Variants in ACBD6 observed in about 807,000 individuals in gnomAD.
ACBD6 encodes acyl-CoA binding domain containing 6, also known as acyl-CoA-binding domain-containing protein 6.
In ACBD6, 28 loss-of-function variants were observed where a neutral mutation model predicts 37.2. The ratio of observed to expected loss-of-function variants is 0.75; its 90% CI spans 0.56 to 1.03. The LOEUF (loss-of-function observed/expected upper bound fraction) is 1.03. ACBD6 is among the 50% of genes least tolerant of loss of function. ACBD6 has a pLI of 0.00. For missense variants in ACBD6, 340 were observed against 337.4 expected (o/e 1.01, Z -0.06); for synonymous variants, 113 against 126.8 (o/e 0.89, Z 0.73).
At chr1:180,335,052 G>C (rs1375343726) in intron 6 of ACBD6, among the ~76,000 whole-genome samples, 2 of 152,196 alleles carry the variant, frequency 1.3e-5, no homozygotes, top group African/African-American at 2.4e-5. Flanking sequence ...ACCTGAAAGT[G>C]ATGGGGAGAA....
chr1:180,351,171 AT>A (rs1652400317), intron 6 of ACBD6, among the ~76,000 whole-genome samples: 3 of 152,294 alleles, frequency 2.0e-5, no homozygotes, highest in Admixed American at 2.0e-4. Context: ...ACTGATAAAA[AT>A]ATATAGGTTT....
intron 6 of ACBD6, among the ~76,000 whole-genome samples, chr1:180,356,300 T>A (rs970039391): frequency 6.6e-6 from 1 of 152,058 alleles, no homozygotes; most frequent in Non-Finnish European, 1.5e-5. Flanking sequence ...GCCTTCCAAG[T>A]AGCTGAAACT....
chr1:180,449,962 G>T lies in ACBD6; in HGVS notation c.385-19700C>A, dbSNP rs532987133. Among the ~76,000 whole-genome samples the T allele has an allele frequency of 3.4e-5, 5 of 148,340 alleles. No individual in the cohort carries two copies. The South Asian group carries it at 8.7e-4, about 26-fold the overall frequency. On this transcript the variant is annotated intron_variant, in intron 3 of 7. Coordinates refer to ENST00000367595, the MANE Select transcript of ACBD6 (RefSeq NM_032360.4). ...GCTAATCTAATTTCCGGATGACAGG[G>T]TCAATGAAAGACAGTTGACACACTA... is the stretch of plus-strand genomic sequence containing the variant.
At chr1:180,487,726 G>A (rs998805221) in intron 3 of ACBD6, among the ~76,000 whole-genome samples, 64 of 151,968 alleles carry the variant, frequency 4.2e-4, no homozygotes, top group African/African-American at 1.5e-3. Flanking sequence ...AGGTTACTAA[G>A]GTCTATAGTA....
At chr1:180,410,792 G>A (rs1647822804) in intron 5 of ACBD6, among the ~76,000 whole-genome samples, 2 of 152,122 alleles carry the variant, frequency 1.3e-5, no homozygotes, top group South Asian at 4.1e-4. Flanking sequence ...CATTCATTTT[G>A]CAGTCCATGG....
intron 6 of ACBD6, among the ~76,000 whole-genome samples, chr1:180,328,847 T>TAC (rs1366289718): frequency 6.6e-6 from 1 of 151,624 alleles, no homozygotes; most frequent in East Asian, 1.9e-4. Flanking sequence ...TATTTTTCTA[T>TAC]ATATATATAT....
At chr1:180,271,203 T>G (rs1571293192) in exon 14 of ACBD6, 1 of 704,188 alleles carries the variant, frequency 1.4e-6, no homozygotes, top group Non-Finnish European at 2.6e-6. Flanking sequence ...AGGCCCGTGG[T>G]GCAGGAGTCA....
At chr1:180,364,795 G>A (rs1313330682) in intron 6 of ACBD6, among the ~76,000 whole-genome samples, 3 of 149,384 alleles carry the variant, frequency 2.0e-5, no homozygotes, top group African/African-American at 7.4e-5. Context: ...GTACAGTAGC[G>A]CGATCTTGGC....
At position 180,469,107 on chromosome 1, in the gene ACBD6, T is replaced by C. The variant is rs1042568504; in HGVS notation, c.384+23162A>G. Among the ~76,000 whole-genome samples, 72 of 152,198 alleles carry C rather than the reference T, an allele frequency of 4.7e-4. 1 individual carries two copies. The highest frequency in any genetic ancestry group is 1.7e-3 in the African/African-American group (70 of 41,450). ...GTCCTTTTCCATAAACAGATACACA[T>C]TGAGAAATTCAGACCCAAATCTGTA... On this transcript the variant is annotated intron_variant, in intron 3 of 7. Transcript: ENST00000367595.
intron 6 of ACBD6, among the ~76,000 whole-genome samples, chr1:180,368,444 C>T (rs1653132843): frequency 6.6e-6 from 1 of 152,094 alleles, no homozygotes. Context: ...ATCATGAAAT[C>T]TTTGCCAGTT....
downstream of ACBD6, chr1:180,287,337 G>T (rs1333667905): frequency 6.6e-6 from 1 of 151,016 alleles, no homozygotes; most frequent in Non-Finnish European, 1.5e-5. Context: ...TTGAGCCCAG[G>T]AGGTTGAGGC....
At chr1:180,417,386 C>T (rs758097700) in intron 4 of ACBD6, among the ~76,000 whole-genome samples, 2 of 152,044 alleles carry the variant, frequency 1.3e-5, no homozygotes, top group Non-Finnish European at 2.9e-5. Flanking sequence ...AACCAAAAGA[C>T]GGAGGCAAAA....
At chr1:180,427,260 T>G (rs1479989139) in intron 4 of ACBD6, among the ~76,000 whole-genome samples, 1 of 152,218 alleles carries the variant, frequency 6.6e-6, no homozygotes, top group East Asian at 1.9e-4. Context: ...TCTGGAGTTA[T>G]AAAGTATCAA....
intron 6 of ACBD6, among the ~76,000 whole-genome samples, chr1:180,356,120 G>A (rs1193962047): frequency 6.6e-6 from 1 of 151,854 alleles, no homozygotes; most frequent in African/African-American, 2.4e-5. Flanking sequence ...TGATCCATGT[G>A]CCTCGGCCTC....
intron 6 of ACBD6, among the ~76,000 whole-genome samples, chr1:180,396,983 A>G (rs1167059032): frequency 3.3e-5 from 5 of 152,214 alleles, no homozygotes; most frequent in African/African-American, 1.2e-4. Context: ...ATTCAAATAA[A>G]AATACAAGGA....
chr1:180,385,983 A>C (rs1211310506), intron 6 of ACBD6, among the ~76,000 whole-genome samples: 1 of 152,196 alleles, frequency 6.6e-6, no homozygotes, highest in Non-Finnish European at 1.5e-5. Flanking sequence ...CAGCCTGGCC[A>C]ACATGGTGAA....
intron 3 of ACBD6, among the ~76,000 whole-genome samples, chr1:180,432,636 A>G (rs187812115): frequency 2.6e-5 from 4 of 152,272 alleles, no homozygotes; most frequent in Non-Finnish European, 5.9e-5. Context: ...ATAAAATAGG[A>G]TATTATTCAG....
chr1:180,473,304 G>A (rs937050005), intron 3 of ACBD6, among the ~76,000 whole-genome samples: 3 of 151,762 alleles, frequency 2.0e-5, no homozygotes, highest in South Asian at 2.1e-4. Context: ...AAAATTAGCC[G>A]GGCGTAGTGG....
intron 3 of ACBD6, among the ~76,000 whole-genome samples, chr1:180,479,260 GATGA>G (rs1198597664): frequency 8.5e-5 from 13 of 152,222 alleles, no homozygotes; most frequent in African/African-American, 3.1e-4. Context: ...GTCTATCACG[GATGA>G]ATGAATAAAT....
Sources: gnomAD v4.1 joint callset for allele counts (sites outside exome capture counted in the v4.1 genomes callset) on GRCh38, gnomAD v4.1.1 for gene constraint, MANE v1.5 for transcripts, NCBI Gene and HGNC (gene_info 2026-07-23, HGNC 2026-07-21) for gene names.